Variants in CDK12 observed in about 807,000 individuals in gnomAD.
CDK12 encodes cyclin dependent kinase 12.
Under a neutral mutation model 133.8 loss-of-function variants are expected in CDK12, and 17 were observed. The observed-to-expected ratio is 0.13, with a 90% CI of 0.09 to 0.19. The LOEUF is 0.19. Among genes scored for constraint, CDK12 ranks in the 10% least tolerant of loss-of-function variants. CDK12 has a pLI of 1.00. For synonymous variants in CDK12, 694 were observed against 683.6 expected (o/e 1.02, Z -0.24); for missense variants, 1,508 against 1,818.7 (o/e 0.83, Z 3.11).
chr17:39,500,843 C>T (rs999387659), intron 5 of CDK12, among the ~76,000 whole-genome samples: 1 of 151,742 alleles, frequency 6.6e-6, no homozygotes, highest in African/African-American at 2.4e-5. Context: ...TCTCCCACCT[C>T]GGCCTCCCAA....
At chr17:39,513,422 C>T (rs961219589) in intron 8 of CDK12, among the ~76,000 whole-genome samples, 2 of 152,068 alleles carry the variant, frequency 1.3e-5, no homozygotes, top group Non-Finnish European at 2.9e-5. Flanking sequence ...GTAGCCTACC[C>T]AAATAAAATA....
chr17:39,464,645 A>C (rs940894010), intron 1 of CDK12, among the ~76,000 whole-genome samples: 13 of 151,976 alleles, frequency 8.6e-5, no homozygotes, highest in African/African-American at 3.1e-4. Flanking sequence ...TGGAGTTCTT[A>C]ATGTTTCCTC....
chr17:39,510,098 G>A (rs2053389895), intron 7 of CDK12, among the ~76,000 whole-genome samples: 1 of 150,582 alleles, frequency 6.6e-6, no homozygotes, highest in Non-Finnish European at 1.5e-5. Context: ...CACCGCACCT[G>A]GGCAACAATC....
intron 2 of CDK12, among the ~76,000 whole-genome samples, chr17:39,555,046 G>A (rs190802397): frequency 5.3e-5 from 8 of 152,006 alleles, no homozygotes; most frequent in Non-Finnish European, 1.2e-4. Context: ...TCAGGAGATC[G>A]AGATCTGGCT....
At chr17:39,474,442 C>A (rs1183632741) in intron 2 of CDK12, among the ~76,000 whole-genome samples, 1 of 152,060 alleles carries the variant, frequency 6.6e-6, no homozygotes, top group Non-Finnish European at 1.5e-5. Context: ...CCTCAGCTTC[C>A]TGACTAGTTG....
In CDK12 at chr17:39,526,001, C is replaced by A. The variant is rs1273194595; in HGVS notation, c.3445C>A (p.Gln1149Lys). The A allele has an allele frequency of 1.2e-6, 2 of 1,614,198 alleles. No homozygotes were observed. Among genetic ancestry groups the A allele is most frequent in the Non-Finnish European group, 1.7e-6 (2 of 1,180,036 alleles). ...NIHSNPEMQQ[Q>K]LEALNQSISA... ...CCACTCCAACCCAGAGATGCAGCAGCAGCTGGAAGCCCTGAACCAATCCAT... is the reference window on the plus strand; with the variant it reads ...CCACTCCAACCCAGAGATGCAGCAGAAGCTGGAAGCCCTGAACCAATCCAT... Residue 1149 changes from glutamine to lysine, a missense_variant, in exon 13 of 14, where the codon CAG (glutamine) becomes AAG (lysine). Coordinates refer to ENST00000447079, the MANE Select transcript of CDK12 (RefSeq NM_016507.4).
chr17:39,529,445 A>G (rs958984213), intron 13 of CDK12, among the ~76,000 whole-genome samples: 2 of 152,214 alleles, frequency 1.3e-5, no homozygotes, highest in Non-Finnish European at 2.9e-5. Flanking sequence ...AAGAATGACT[A>G]TATATATATT....
chr17:39,472,891 A>G (rs575319626), intron 2 of CDK12, among the ~76,000 whole-genome samples: 2 of 136,094 alleles, frequency 1.5e-5, no homozygotes, highest in Non-Finnish European at 3.5e-5. Flanking sequence ...CTGGCTAACA[A>G]CGGTGAAACC....
chr17:39,546,488 AT>A (rs2055713689), upstream of CDK12: 2 of 152,056 alleles, frequency 1.3e-5, no homozygotes, highest in African/African-American at 2.4e-5. Flanking sequence ...CCGACCTCCA[AT>A]TTTTTTAGTA....
At chr17:39,485,323 T>TGCCTGTGATCCCAGCACTTTAGGA (rs1252824649) in intron 2 of CDK12, among the ~76,000 whole-genome samples, 1 of 151,364 alleles carries the variant, frequency 6.6e-6, no homozygotes, top group Non-Finnish European at 1.5e-5. Context: ...TGGTGGCTGA[T>TGCCTGTGATCCCAGCACTTTAGGA]GCCTGTGATC....
intron 8 of CDK12, among the ~76,000 whole-genome samples, chr17:39,513,832 T>C (rs978309942): frequency 5.9e-5 from 9 of 152,214 alleles, no homozygotes; most frequent in Non-Finnish European, 7.3e-5. Flanking sequence ...TCTGAAGATA[T>C]TTTTATGGGA....
chr17:39,545,786 TTTCC>T (rs929132660), upstream of CDK12, among the ~76,000 whole-genome samples: 4 of 145,712 alleles, frequency 2.7e-5, no homozygotes, highest in African/African-American at 5.1e-5. Flanking sequence ...AGGATTTTTT[TTTCC>T]TTCCTTCCTT....
At chr17:39,564,666 C>T (rs2056509320) in intron 3 of CDK12, 1 of 152,192 alleles carries the variant, frequency 6.6e-6, no homozygotes, top group Non-Finnish European at 1.5e-5. Flanking sequence ...ATAACTAACA[C>T]GGACGGAGAG....
chr17:39,511,452 A>T, intron 7 of CDK12, 77 bp from the exon 8 acceptor site: 1 of 915,356 alleles, frequency 1.1e-6, no homozygotes, highest in Non-Finnish European at 1.7e-6. Context: ...ACCTATTTCT[A>T]TTTGCATTTA....
At chr17:39,510,982 G>T (rs1182737042) in intron 7 of CDK12, among the ~76,000 whole-genome samples, 1 of 141,450 alleles carries the variant, frequency 7.1e-6, no homozygotes, top group East Asian at 2.3e-4. Flanking sequence ...TTGGGAGACC[G>T]AGGTGGGTGG....
chr17:39,500,791 A>C (rs2052661560), intron 5 of CDK12, among the ~76,000 whole-genome samples: 1 of 151,454 alleles, frequency 6.6e-6, no homozygotes, highest in Non-Finnish European at 1.5e-5. Flanking sequence ...CAGTGGCACC[A>C]TCTCAGCTCA....
chr17:39,474,122 A>T (rs1310448871), intron 2 of CDK12, among the ~76,000 whole-genome samples: 1 of 152,088 alleles, frequency 6.6e-6, no homozygotes, highest in Non-Finnish European at 1.5e-5. Context: ...CACCAAACAC[A>T]CTTGCTTTAG....
intron 1 of CDK12, among the ~76,000 whole-genome samples, chr17:39,542,209 G>A (rs937803925): frequency 6.7e-6 from 1 of 150,140 alleles, no homozygotes. Flanking sequence ...TTTTTGAGAC[G>A]GAGTTTCGCT....
intron 1 of CDK12, among the ~76,000 whole-genome samples, chr17:39,466,678 A>G (rs551360598): frequency 2.1e-5 from 3 of 144,456 alleles, no homozygotes; most frequent in South Asian, 2.4e-4. Context: ...CTACTCACAT[A>G]ATTTAGTCAG....
Sources: allele counts gnomAD v4.1 joint callset (sites outside exome capture counted in the v4.1 genomes callset), GRCh38; gene constraint gnomAD v4.1.1; transcripts MANE v1.5; gene names NCBI Gene and HGNC (gene_info 2026-07-23, HGNC 2026-07-21).